DOCK8: variants seen among roughly 807,000 people sequenced by gnomAD.
DOCK8 encodes the protein dedicator of cytokinesis 8.
DOCK8 carries 141 observed loss-of-function variants against 245.6 expected under a neutral mutation model. The ratio of observed to expected loss-of-function variants is 0.57; its 90% CI spans 0.50 to 0.66. The LOEUF is 0.66. Among genes scored for constraint, DOCK8 ranks in the 30% least tolerant of loss-of-function variants. DOCK8 has a pLI of 0.00. For synonymous variants in DOCK8, 1,168 were observed against 970.2 expected, an observed-to-expected ratio of 1.20 and a Z score of -3.79; for missense variants, 2,965 against 2,603.4, an observed-to-expected ratio of 1.14 and a Z score of -3.02.
At chr9:258,973 A>G (rs1231792176) in intron 1 of DOCK8, among the ~76,000 whole-genome samples, 1 of 147,728 alleles carries the variant, frequency 6.8e-6, no homozygotes, top group African/African-American at 2.5e-5. Context: ...TCATAAATCT[A>G]TGGTAACCAC....
intron 17 of DOCK8, 75 bp downstream of exon 17, chr9:371,641 A>G: frequency 6.3e-7 from 1 of 1,590,992 alleles, no homozygotes; most frequent in South Asian, 1.1e-5. Flanking sequence ...ATAAACAACC[A>G]AATTCTATTC....
intron 3 of DOCK8, among the ~76,000 whole-genome samples, chr9:288,030 A>G (rs936558901): frequency 1.3e-5 from 2 of 151,784 alleles, no homozygotes; most frequent in African/African-American, 4.8e-5. Flanking sequence ...AACAAAAAAC[A>G]GTACAATGAA....
In DOCK8 at chr9:370,227, C is replaced by T. The variant is rs995765435; in HGVS notation, c.1798-3C>T. The T allele has an allele frequency of 5.0e-6, 8 of 1,613,048 alleles. No individual in the cohort carries two copies. In the African/African-American group the frequency reaches 6.7e-5, roughly 13 times the overall value. On this transcript the variant is annotated splice_polypyrimidine_tract_variant and splice_region_variant and intron_variant, in intron 15 of 47. Coordinates refer to ENST00000432829, the MANE Select transcript of DOCK8 (RefSeq NM_203447.4). ...ATTTGATCCTTTCTCTACTGGTGAA[C>T]AGGTCATCTTTGGAAAATCCAGCGG...
At position 392,482 on chromosome 9, in the gene DOCK8, C is replaced by T. The variant is rs983923109; in HGVS notation, c.2970+1916C>T. On this transcript the variant is annotated intron_variant, in intron 24 of 47. Transcript: ENST00000432829. ...CTGGAGGTGCTTAGTAAAAATAAAG[C>T]AGAGATTCTTTCTCAAAGCACTAAA... 2.0e-4 allele frequency among the ~76,000 whole-genome samples: 30 copies of T among 152,294 alleles called. 1 individual carries two copies. The highest frequency in any genetic ancestry group is 1.3e-3 in the Admixed American group (20 of 15,300).
rs2131622052 is a variant in DOCK8 at position 418,094 on chromosome 9, A to G, written c.3727A>G (p.Ser1243Gly). 1.2e-6 allele frequency: 2 copies of G among 1,614,240 alleles called. No individual in the cohort carries two copies. The highest frequency in any genetic ancestry group is 2.2e-5 in the East Asian group (1 of 44,894). ...TVADTRRYRT[S>G]GSDEEQEGAG... ...TGCAGATACTCGCAGATACCGCACCAGTGGCTCGGATGAAGAACAAGAAGG... is the reference window on the plus strand; with the variant it reads ...TGCAGATACTCGCAGATACCGCACCGGTGGCTCGGATGAAGAACAAGAAGG... The change falls in exon 30 of 48, where the codon AGT (serine) becomes GGT (glycine). Residue 1243 changes from serine to glycine, a missense_variant. Ser to Gly is a moderately conservative substitution (Grantham distance 56, BLOSUM62 0). Around this residue, in one of 3 missense-constraint regions of DOCK8, gnomAD observed 2,825 missense variants for 2,453.5 expected, o/e 1.15. Coordinates refer to ENST00000432829, the MANE Select transcript of DOCK8 (RefSeq NM_203447.4).
At chr9:251,976 T>C (rs545435512) in intron 1 of DOCK8, among the ~76,000 whole-genome samples, 1,343 of 70,590 alleles carry the variant, frequency 0.019, 11 homozygotes, top group Non-Finnish European at 0.034. Context: ...TGTTTTCTTT[T>C]TTTTTTTTTT....
chr9:390,607 A>C, intron 24 of DOCK8, 41 bp downstream of exon 24: 1 of 1,569,810 alleles, frequency 6.4e-7, no homozygotes, highest in Non-Finnish European at 8.8e-7. Flanking sequence ...CAATAGGCCA[A>C]GAGAAGCACA....
chr9:248,547 TTCTCTCTCTCTCTCTTTCTTTCTTTCTC>T (rs1319523144), intron 1 of DOCK8, among the ~76,000 whole-genome samples: 1 of 67,432 alleles, frequency 1.5e-5, no homozygotes, highest in Non-Finnish European at 3.5e-5. Context: ...CTTTCTTTCT[TTCTCTCTCTCTCTCTTTCTTTCTTTCTC>T]TCTCTCTGTC....
At chr9:419,386 C>G (rs1336630558) in intron 30 of DOCK8, among the ~76,000 whole-genome samples, 9 of 152,142 alleles carry the variant, frequency 5.9e-5, no homozygotes, top group Admixed American at 5.9e-4. Flanking sequence ...CCTCCTCCAC[C>G]TTTCTAATAT....
chr9:220,533 T>G (rs1411847573), intron 1 of DOCK8, among the ~76,000 whole-genome samples: 6 of 152,112 alleles, frequency 3.9e-5, no homozygotes, highest in Non-Finnish European at 2.9e-5. Context: ...TCCGTCCTCT[T>G]TAAGGGACCG....
At chr9:380,114 C>G (rs1383466353) in intron 21 of DOCK8, among the ~76,000 whole-genome samples, 179 bp downstream of exon 21, 1 of 118,124 alleles carries the variant, frequency 8.5e-6, no homozygotes, top group Non-Finnish European at 1.7e-5. Flanking sequence ...ATCTGCAACC[C>G]CAGCACTCTA....
In DOCK8 at chr9:220,884, C is replaced by G. The variant is rs149282671; in HGVS notation, c.53+5855C>G. 1,494 of 271,246 alleles carry G rather than the reference C, an allele frequency of 5.5e-3. 19 individuals carry two copies. The highest frequency in any genetic ancestry group is 0.031 in the African/African-American group (1,341 of 42,678). 16.8% of individuals were successfully genotyped at this position (271,246 alleles called of 1,614,324 possible). A position where few individuals can be genotyped will look rare whatever the true frequency, so the allele number is the denominator to read the frequency against. ...TACAGGTGCGCACCACCACGCCCGG[C>G]TAATTTTTGTATTTTTAGTAGAGAT... On this transcript the variant is annotated intron_variant, in intron 1 of 47. Transcript: ENST00000432829.
chr9:322,985 A>G (rs889142076), intron 7 of DOCK8, among the ~76,000 whole-genome samples: 3 of 150,888 alleles, frequency 2.0e-5, no homozygotes, highest in Non-Finnish European at 4.4e-5. Context: ...CACAGCTGCT[A>G]GGGAGGCTGA....
At position 289,670 on chromosome 9, in the gene DOCK8, A is replaced by G. The variant is rs1227552268; in HGVS notation, c.404+89A>G. On this transcript the variant is annotated intron_variant, in intron 4 of 47. Coordinates refer to ENST00000432829, the MANE Select transcript of DOCK8 (RefSeq NM_203447.4). ...ATTTCTTAATACTTTGAACAGTTCT[A>G]GGTTTACAGAAAAATTGCATGGCAA... 5.8e-6 allele frequency: 7 copies of G among 1,217,340 alleles called. No individual in the cohort carries two copies. In the Admixed American group the frequency reaches 6.6e-5, roughly 11 times the overall value. 75.4% of individuals were successfully genotyped at this position (1,217,340 alleles called of 1,614,324 possible).
chr9:400,003 ACCTCCACCATCACCACCACCT>A (rs1315257004), intron 26 of DOCK8, among the ~76,000 whole-genome samples: 1 of 105,456 alleles, frequency 9.5e-6, no homozygotes, highest in African/African-American at 3.5e-5. Flanking sequence ...CACCTCCACC[ACCTCCACCATCACCACCACCT>A]CCACCATCAC....
rs750921756 is a variant in DOCK8 at position 428,501 on chromosome 9, A to G, written c.4473+5A>G. The stretch of plus-strand genomic sequence containing the variant: ...CTCCGTGCTCTCATCGCCAAGGTAA[A>G]CTTGGGATGCTTGTTTTCTTCCTCT... On this transcript the variant is annotated splice_donor_5th_base_variant and intron_variant, in intron 35 of 47. Coordinates refer to ENST00000432829, the MANE Select transcript of DOCK8 (RefSeq NM_203447.4). 5.0e-6 allele frequency: 8 copies of G among 1,613,978 alleles called. No individual in the cohort carries two copies. In the African/African-American group the frequency reaches 6.7e-5, roughly 13 times the overall value.
At position 447,324 on chromosome 9, in the gene DOCK8, T is replaced by G. The variant is rs1035663620; in HGVS notation, c.5817+718T>G. Among the ~76,000 whole-genome samples, 4 of 152,338 alleles carry G rather than the reference T, an allele frequency of 2.6e-5. No homozygotes were observed. The East Asian group carries it at 7.7e-4, about 29-fold the overall frequency. On this transcript the variant is annotated intron_variant, in intron 44 of 47. Transcript: ENST00000432829. Reference sequence around the variant, plus strand: ...ATACACTTATTTGTCGTCCTTTTTATGCAGGGCCACAGACTTCTCTGTGAC... The same window carrying G: ...ATACACTTATTTGTCGTCCTTTTTAGGCAGGGCCACAGACTTCTCTGTGAC...
At chr9:237,666 TAATAA>T (rs1197070199) in intron 1 of DOCK8, among the ~76,000 whole-genome samples, 6 of 151,980 alleles carry the variant, frequency 3.9e-5, no homozygotes, top group African/African-American at 1.2e-4. Flanking sequence ...GAAAAAATAA[TAATAA>T]AATAAAATCT....
rs138160739 is a variant in DOCK8 at position 333,336 on chromosome 9, T to C, written c.1125+858T>C. 1.8e-3 allele frequency among the ~76,000 whole-genome samples: 271 copies of C among 152,270 alleles called. 4 individuals carry two copies. In the East Asian group the frequency reaches 0.045, roughly 25 times the overall value. On this transcript the variant is annotated intron_variant, in intron 10 of 47. Coordinates refer to ENST00000432829, the MANE Select transcript of DOCK8 (RefSeq NM_203447.4). ...CATGGCCTTGGCCGGGCGTGGTGGC[T>C]CACACCTGTAATCCCAGCACTTTGG...
Sources: gnomAD v4.1 joint callset for allele counts (sites outside exome capture counted in the v4.1 genomes callset) on GRCh38, gnomAD v4.1.1 for gene constraint, gnomAD v4.1.1 regional missense constraint, MANE v1.5 for transcripts, NCBI Gene and HGNC (gene_info 2026-07-23, HGNC 2026-07-21) for gene names.